The following TCTN1 variants were observed in gnomAD, a reference collection of about 807,000 sequenced individuals.
The protein encoded by TCTN1 is tectonic-1.
In TCTN1, 58 loss-of-function variants were observed where a neutral mutation model predicts 65.8. That is an observed-to-expected ratio of 0.88 (90% confidence interval 0.71 to 1.10). TCTN1 has a LOEUF of 1.10. TCTN1 is among the 50% of genes least tolerant of loss of function. The probability of loss-of-function intolerance (pLI) is 0.00; values close to 1 mark genes in which losing one functional copy is unlikely to be tolerated. For synonymous variants in TCTN1, 273 were observed against 289.1 expected (o/e 0.94, Z 0.57); for missense variants, 645 against 719.4 (o/e 0.90, Z 1.18).
intron 14 of TCTN1, chr12:110,648,759 G>A (rs1205893712): frequency 3.6e-6 from 1 of 277,898 alleles, no homozygotes; most frequent in Non-Finnish European, 6.9e-6. Context: ...TGCCACAGAG[G>A]AAAGAATACA....
At chr12:110,622,894 G>A (rs1196608365) in intron 2 of TCTN1, among the ~76,000 whole-genome samples, 1 of 152,176 alleles carries the variant, frequency 6.6e-6, no homozygotes, top group Non-Finnish European at 1.5e-5. Context: ...TATTGCAGAT[G>A]CGGATTAACG....
rs142163848 is a variant in TCTN1, at chr12:110,637,432, C to T, written c.843+931C>T. Among the ~76,000 whole-genome samples the T allele has an allele frequency of 1.5e-3, 236 of 152,270 alleles. 5 individuals carry two copies. The East Asian group carries it at 0.025, about 16-fold the overall frequency. On this transcript the variant is annotated intron_variant, in intron 7 of 14. Coordinates refer to ENST00000397659, the MANE Select transcript of TCTN1 (RefSeq NM_001082538.3). ...CCATGTGACTTTGGGTCTCACACAA[C>T]GGTGTGTGAGGCTGGATCCTGTCTT...
chr12:110,620,149 T>C (rs1181310710), intron 2 of TCTN1, among the ~76,000 whole-genome samples, 193 bp downstream of exon 2: 3 of 152,196 alleles, frequency 2.0e-5, no homozygotes, highest in African/African-American at 4.8e-5. Flanking sequence ...GGCTCACGCC[T>C]GTAATCCCAG....
intron 4 of TCTN1, among the ~76,000 whole-genome samples, chr12:110,632,207 T>C (rs988065733): frequency 6.6e-6 from 1 of 152,258 alleles, no homozygotes; most frequent in Admixed American, 6.5e-5. Context: ...CAGATCGTTA[T>C]GTCATTGTCT....
Position 110,647,735 on chromosome 12 carries a change from T to C in TCTN1, c.1636-14T>C. On this transcript the variant is annotated splice_polypyrimidine_tract_variant and intron_variant, in intron 13 of 14. Coordinates refer to ENST00000397659, the MANE Select transcript of TCTN1 (RefSeq NM_001082538.3). ...CACTGGAGGGTGGGCCTTGCATCTC[T>C]CTGTTTATTACAGGCCAACTCAGGA... The C allele has an allele frequency of 6.2e-7, 1 of 1,614,240 alleles. No homozygotes were observed. Among genetic ancestry groups the C allele is most frequent in the East Asian group, 2.2e-5 (1 of 44,888 alleles).
At chr12:110,628,646 A>G (rs1184252590) in intron 3 of TCTN1, 121 bp from the exon 4 acceptor site, 1 of 917,544 alleles carries the variant, frequency 1.1e-6, no homozygotes, top group Non-Finnish European at 1.6e-6. Flanking sequence ...CAGCCAAGAC[A>G]CTATTTGTTT....
rs757980995 is a variant in TCTN1, at chr12:110,641,634, T to G, written c.1190+7T>G. ...GATTCCAGCCTCATAAGGGATATCC[T>G]TTTTGGTTCTGTAGAGGGTGGATTT... is the stretch of plus-strand genomic sequence containing the variant. On this transcript the variant is annotated splice_region_variant and intron_variant, in intron 10 of 14. Transcript: ENST00000397659. 1 of 1,612,960 alleles carries G rather than the reference T, an allele frequency of 6.2e-7. No homozygotes were observed. The highest frequency in any genetic ancestry group is 1.1e-5 in the South Asian group (1 of 91,054).
intron 1 of TCTN1, among the ~76,000 whole-genome samples, chr12:110,619,559 T>C (rs1380147742): frequency 6.6e-6 from 1 of 152,198 alleles, no homozygotes; most frequent in Non-Finnish European, 1.5e-5. Flanking sequence ...TGCAAATGCC[T>C]GGGTTTCATA....
At chr12:110,616,244 C>T (rs1440306137) in intron 1 of TCTN1, 4 of 447,496 alleles carry the variant, frequency 8.9e-6, no homozygotes, top group Admixed American at 2.4e-5. Flanking sequence ...TGTGCTTGTC[C>T]TCACACTTTA....
chr12:110,632,143 G>A (rs1004130810), intron 4 of TCTN1, among the ~76,000 whole-genome samples: 11 of 152,072 alleles, frequency 7.2e-5, no homozygotes, highest in African/African-American at 9.7e-5. Flanking sequence ...TAATGCTAGC[G>A]AAAAATAATT....
Position 110,640,444 on chromosome 12 carries a change from A to C in TCTN1, c.905A>C (p.Glu302Ala), listed in dbSNP as rs747808284. The C allele has an allele frequency of 3.1e-5, 50 of 1,614,066 alleles. No individual in the cohort carries two copies. In the South Asian group the frequency reaches 5.4e-4, roughly 17 times the overall value. ...QSLNKTLTRR[E>A]DTDVLQPTLV... ...CTAAATAAAACGCTCACCCGACGGG[A>C]GGACACTGATGTGCTGCAGCCGACT... The change falls in exon 8 of 15, where the codon GAG becomes GCG. Residue 302 changes from glutamate (E) to alanine (A), a missense_variant. Glu to Ala is a moderately radical substitution (Grantham distance 107, BLOSUM62 -1). Transcript: ENST00000397659. This position sits in a 1 kb window ranked among gnomAD's most constrained non-coding sequence, Gnocchi z 4.9.
rs780022003 is a variant in TCTN1, at chr12:110,619,717, A to G, written c.221-119A>G. On this transcript the variant is annotated intron_variant, in intron 1 of 14. Coordinates refer to ENST00000397659, the MANE Select transcript of TCTN1 (RefSeq NM_001082538.3). ...CTTCACAAATTTCCCCCAAAGTGCAATAGGAAAAATAAAATGGATCTTTTT... is the reference window on the plus strand; with the variant it reads ...CTTCACAAATTTCCCCCAAAGTGCAGTAGGAAAAATAAAATGGATCTTTTT... 4.1e-5 allele frequency: 62 copies of G among 1,511,828 alleles called. No individual in the cohort carries two copies. In the Middle Eastern group the frequency reaches 1.4e-3, roughly 34 times the overall value. The allele number at this position is 1,511,828 out of a possible 1,614,324, so 93.7% of individuals were successfully genotyped here. A position where few individuals can be genotyped will look rare whatever the true frequency, so the allele number is the denominator to read the frequency against.
At chr12:110,627,631 A>G (rs1051500364) in intron 3 of TCTN1, among the ~76,000 whole-genome samples, 1 of 152,098 alleles carries the variant, frequency 6.6e-6, no homozygotes, top group African/African-American at 2.4e-5. Context: ...GTGTTTTTTT[A>G]ACTTTATTTC....
chr12:110,648,018 C>T, intron 14 of TCTN1, 125 bp downstream of exon 14: 2 of 1,429,450 alleles, frequency 1.4e-6, no homozygotes, highest in Non-Finnish European at 1.9e-6. Flanking sequence ...GTTGCCCAGG[C>T]TGGAGTGCAG....
At position 110,626,420 on chromosome 12, in the gene TCTN1, A is replaced by G; in HGVS notation, c.400A>G (p.Asn134Asp). 1 of 1,610,016 alleles carries G rather than the reference A, an allele frequency of 6.2e-7. No homozygotes were observed. The highest frequency in any genetic ancestry group is 2.2e-5 in the East Asian group (1 of 44,848). ...AVIYSLNFTA[N>D]PPQRVFELVD... is the part of the protein sequence containing the mutation. Reference sequence around the variant, plus strand: ...CATCTATTCATTGAATTTTACAGCAAACCCACCTCAAAGAGTATTTGAACT... The same window carrying G: ...CATCTATTCATTGAATTTTACAGCAGACCCACCTCAAAGAGTATTTGAACT... Residue 134 changes from asparagine to aspartate, a missense_variant, in exon 3 of 15, where the codon AAC (asparagine) becomes GAC (aspartate). Physicochemically the swap from Asn to Asp is conservative, Grantham distance 23. Coordinates refer to ENST00000397659, the MANE Select transcript of TCTN1 (RefSeq NM_001082538.3).
intron 4 of TCTN1, among the ~76,000 whole-genome samples, chr12:110,631,175 A>G (rs1046459367): frequency 6.6e-6 from 1 of 151,894 alleles, no homozygotes; most frequent in African/African-American, 2.4e-5. Flanking sequence ...CATGTTGGCC[A>G]GGCTGGTCTT....
intron 3 of TCTN1, among the ~76,000 whole-genome samples, chr12:110,626,763 GTTTTTT>G (rs1236209029): frequency 1.1e-5 from 1 of 89,928 alleles, no homozygotes; most frequent in Non-Finnish European, 2.2e-5. Flanking sequence ...TGTGTGCGTG[GTTTTTT>G]TTTTTTTTTT....
At chr12:110,623,924 G>T (rs112907193) in intron 2 of TCTN1, among the ~76,000 whole-genome samples, 56 of 152,052 alleles carry the variant, frequency 3.7e-4, no homozygotes, top group Non-Finnish European at 6.5e-4. Context: ...ACAAATTGGG[G>T]TATTAATAGG....
chr12:110,616,461 G>C, intron 1 of TCTN1: 1 of 246,114 alleles, frequency 4.1e-6, no homozygotes, highest in South Asian at 4.0e-5. Context: ...TGCCCAGGCT[G>C]GTCTTGAACT....
Sources: gnomAD v4.1 joint callset for allele counts (sites outside exome capture counted in the v4.1 genomes callset) on GRCh38, gnomAD v4.1.1 for gene constraint, Gnocchi (gnomAD v3.1) non-coding constraint, MANE v1.5 for transcripts, NCBI Gene and HGNC (gene_info 2026-07-23, HGNC 2026-07-21) for gene names.